The following ELAPOR2 variants were observed in gnomAD, a reference collection of about 807,000 sequenced individuals.
ELAPOR2 encodes the protein endosome-lysosome associated apoptosis and autophagy regulator family member 2, also known as endosome/lysosome-associated apoptosis and autophagy regulator family member 2.
Under a neutral mutation model 120.7 loss-of-function variants are expected in ELAPOR2, and 89 were observed. The ratio of observed to expected loss-of-function variants is 0.74; its 90% confidence interval spans 0.62 to 0.88. ELAPOR2 has a LOEUF of 0.88. Among genes scored for constraint, ELAPOR2 ranks in the 40% least tolerant of loss-of-function variants. The probability of loss-of-function intolerance (pLI) is 0.00; values close to 1 mark genes in which losing one functional copy is unlikely to be tolerated. For missense variants in ELAPOR2, 1,134 were observed against 1,251.6 expected (o/e 0.91, Z 1.42); for synonymous variants, 444 against 444.9 (o/e 1.00, Z 0.03).
rs370381166 is a variant in ELAPOR2, at chr7:86,991,611, G to A, written c.190-26587C>T. Among the ~76,000 whole-genome samples the A allele has an allele frequency of 2.6e-5, 4 of 152,172 alleles. 1 individual carries two copies. Among genetic ancestry groups the A allele is most frequent in the African/African-American group, 9.6e-5 (4 of 41,522 alleles). On this transcript the variant is annotated intron_variant, in intron 1 of 21. Coordinates refer to ENST00000450689, the MANE Select transcript of ELAPOR2 (RefSeq NM_001142749.3). ...ATTTGCCCCAACTCTATTATACCAG[G>A]GCAGTCACTGGAATAAGCCAGGCAG...
chr7:87,003,086 G>A (rs1793368378), intron 1 of ELAPOR2, among the ~76,000 whole-genome samples: 1 of 152,100 alleles, frequency 6.6e-6, no homozygotes. Context: ...AGGTTCTACA[G>A]GTCTGCCATC....
At chr7:86,925,446 G>T in intron 10 of ELAPOR2, 82 bp downstream of exon 10, 2 of 1,420,660 alleles carry the variant, frequency 1.4e-6, no homozygotes, top group East Asian at 4.7e-5. Flanking sequence ...ACCCATACTT[G>T]GTATGTTTTA....
chr7:86,918,606 T>C, intron 11 of ELAPOR2, 62 bp from the exon 12 acceptor site: 7 of 1,055,348 alleles, frequency 6.6e-6, no homozygotes, highest in Non-Finnish European at 1.0e-5. Context: ...TAGAATAAAA[T>C]TAAGCCACTA....
chr7:87,045,794 G>A (rs1794936163), intron 1 of ELAPOR2, among the ~76,000 whole-genome samples: 1 of 151,212 alleles, frequency 6.6e-6, no homozygotes, highest in African/African-American at 2.4e-5. Flanking sequence ...TATAAAAAAA[G>A]GAACATACCT....
intron 1 of ELAPOR2, among the ~76,000 whole-genome samples, chr7:86,982,133 G>A (rs1178798198): frequency 1.3e-5 from 2 of 152,254 alleles, no homozygotes; most frequent in Admixed American, 6.5e-5. Flanking sequence ...GCTGAGGCAT[G>A]AGTAGGTAAA....
chr7:86,914,591 C>A, intron 13 of ELAPOR2, 132 bp downstream of exon 13: 1 of 637,444 alleles, frequency 1.6e-6, no homozygotes, highest in Non-Finnish European at 2.5e-6. Flanking sequence ...GAATCTATAA[C>A]CAGATTATTC....
At chr7:86,939,358 C>T (rs1790706115) in intron 6 of ELAPOR2, among the ~76,000 whole-genome samples, 1 of 152,066 alleles carries the variant, frequency 6.6e-6, no homozygotes, top group Non-Finnish European at 1.5e-5. Flanking sequence ...AATGGCTTGA[C>T]TTCTCCTCTG....
chr7:87,050,498 C>T (rs570376052), intron 1 of ELAPOR2, among the ~76,000 whole-genome samples: 8 of 152,226 alleles, frequency 5.3e-5, no homozygotes, highest in Non-Finnish European at 1.2e-4. Flanking sequence ...CTTCTTGAGG[C>T]CTCCCTAGAG....
rs902966969 is a variant in ELAPOR2 at position 86,877,729 on chromosome 7, A to C, written c.*2742T>G. On this transcript the variant is annotated 3_prime_UTR_variant, in exon 22 of 22. Transcript: ENST00000450689. ...GACCTGGAGACCCCAGATGCTAAAG[A>C]CTGGACCCAAGTAATTCTTCCACAT... The C allele has an allele frequency of 2.6e-5, 4 of 152,144 alleles. No individual in the cohort carries two copies. Among genetic ancestry groups the C allele is most frequent in the Non-Finnish European group, 4.4e-5 (3 of 68,032 alleles). 9.4% of individuals were successfully genotyped at this position (152,144 alleles called of 1,614,324 possible). A position where few individuals can be genotyped will look rare whatever the true frequency, so the allele number is the denominator to read the frequency against.
chr7:87,007,354 G>A (rs1793518232), intron 1 of ELAPOR2, among the ~76,000 whole-genome samples: 1 of 152,146 alleles, frequency 6.6e-6, no homozygotes, highest in African/African-American at 2.4e-5. Context: ...CTCATTGTTG[G>A]AGAAAGTAGT....
At chr7:86,945,166 G>A in intron 3 of ELAPOR2, 120 bp from the exon 4 acceptor site, 8 of 864,740 alleles carry the variant, frequency 9.3e-6, no homozygotes, top group Non-Finnish European at 1.4e-5. Flanking sequence ...GAAAACACCA[G>A]AAGCTTTTCC....
intron 1 of ELAPOR2, among the ~76,000 whole-genome samples, chr7:87,039,606 G>C (rs112507269): frequency 5.1e-4 from 77 of 152,138 alleles, no homozygotes; most frequent in African/African-American, 1.7e-3. Context: ...TTCAACATAC[G>C]CAAATAAATC....
At chr7:86,947,615 T>C in intron 3 of ELAPOR2, 112 bp downstream of exon 3, 1 of 935,064 alleles carries the variant, frequency 1.1e-6, no homozygotes, top group Non-Finnish European at 1.6e-6. Flanking sequence ...GCAATTAGCT[T>C]ATCTATCACC....
At chr7:86,892,007 AC>A in intron 20 of ELAPOR2, 118 bp from the exon 21 acceptor site, 1 of 646,322 alleles carries the variant, frequency 1.5e-6, no homozygotes, top group South Asian at 2.5e-5. Context: ...TAATTGCTCC[AC>A]CAACAAATTT....
At chr7:86,999,771 T>A (rs1207437252) in intron 1 of ELAPOR2, among the ~76,000 whole-genome samples, 2 of 152,196 alleles carry the variant, frequency 1.3e-5, no homozygotes, top group African/African-American at 4.8e-5. Flanking sequence ...GAACAGATTC[T>A]ATTCCTCCAT....
chr7:86,922,535 T>A (rs1386651418), intron 10 of ELAPOR2, among the ~76,000 whole-genome samples: 1 of 151,930 alleles, frequency 6.6e-6, no homozygotes, highest in East Asian at 1.9e-4. Flanking sequence ...ATACATGTTT[T>A]TACATCACTG....
chr7:86,936,452 T>A (rs1291872031), intron 8 of ELAPOR2, among the ~76,000 whole-genome samples: 1 of 152,100 alleles, frequency 6.6e-6, no homozygotes, highest in Non-Finnish European at 1.5e-5. Context: ...AATTCACATA[T>A]GCAATCTAAA....
At position 86,891,891 on chromosome 7, in the gene ELAPOR2, T is replaced by C. The variant is rs1235705522; in HGVS notation, c.2865-2A>G. The C allele has an allele frequency of 6.5e-7, 1 of 1,544,784 alleles. No individual in the cohort carries two copies. Among genetic ancestry groups the C allele is most frequent in the Admixed American group, 1.8e-5 (1 of 54,586 alleles). ...AACTTGGAATATTTGTATTCCAGTCTAAATAGTGATAAAATAAATAAACAA... is the reference window on the plus strand; with the variant it reads ...AACTTGGAATATTTGTATTCCAGTCCAAATAGTGATAAAATAAATAAACAA... On this transcript the variant is annotated splice_acceptor_variant, in intron 20 of 21. Transcript: ENST00000450689. LOFTEE classifies it high-confidence loss of function.
intron 16 of ELAPOR2, among the ~76,000 whole-genome samples, chr7:86,909,283 TAA>T (rs909083097): frequency 4.1e-4 from 63 of 152,130 alleles, no homozygotes; most frequent in African/African-American, 1.5e-3. Context: ...GAGATCATAA[TAA>T]ATTTGATCCC....
Sources: gnomAD v4.1 joint callset for allele counts (sites outside exome capture counted in the v4.1 genomes callset) on GRCh38, gnomAD v4.1.1 for gene constraint, MANE v1.5 for transcripts, NCBI Gene and HGNC (gene_info 2026-07-23, HGNC 2026-07-21) for gene names.